The following EIF4G3 variants were observed in gnomAD, a reference collection of about 807,000 sequenced individuals.
EIF4G3 encodes eukaryotic translation initiation factor 4 gamma 3.
A neutral mutation model predicts 186.4 loss-of-function variants in EIF4G3; 34 were observed. The ratio of observed to expected loss-of-function variants is 0.18; its 90% CI spans 0.14 to 0.24. The LOEUF (loss-of-function observed/expected upper bound fraction) is 0.24, where lower values mean the gene tolerates loss of function less well. Ranked by LOEUF, EIF4G3 falls within the 10% of genes least tolerant of loss-of-function variation. EIF4G3 has a pLI of 1.00. For synonymous variants in EIF4G3, 673 were observed against 679.5 expected, an observed-to-expected ratio of 0.99 and a Z score of 0.15; for missense variants, 1,536 against 1,948.5, an observed-to-expected ratio of 0.79 and a Z score of 3.99.
At chr1:20,999,757 T>G (rs188539304) in intron 6 of EIF4G3, 1 of 453,360 alleles carries the variant, frequency 2.2e-6, no homozygotes, top group African/African-American at 2.0e-5. Context: ...ATGACAATAG[T>G]CTTAATCCTA....
intron 20 of EIF4G3, among the ~76,000 whole-genome samples, chr1:20,871,415 G>A (rs1399985924): frequency 6.7e-6 from 1 of 149,144 alleles, no homozygotes; most frequent in African/African-American, 2.6e-5. Context: ...CAATAACCAA[G>A]AAGGCCTCCA....
intron 12 of EIF4G3, among the ~76,000 whole-genome samples, chr1:20,967,793 T>C (rs1017461516): frequency 1.6e-4 from 24 of 152,248 alleles, no homozygotes; most frequent in African/African-American, 4.6e-4. Flanking sequence ...ATGAAGTCAA[T>C]AGTCTATCAT....
chr1:20,865,661 A>G (rs1388956512), intron 20 of EIF4G3, among the ~76,000 whole-genome samples: 2 of 152,184 alleles, frequency 1.3e-5, no homozygotes, highest in Non-Finnish European at 2.9e-5. Context: ...ATGACATAAG[A>G]CAAGGGAGAA....
At chr1:21,063,996 G>A (rs2095093395) in intron 3 of EIF4G3, among the ~76,000 whole-genome samples, 2 of 151,718 alleles carry the variant, frequency 1.3e-5, no homozygotes, top group South Asian at 2.1e-4. Flanking sequence ...CCAAAGTGCT[G>A]GGATTACAGG....
At chr1:20,863,378 T>TAAAAAAAAA (rs3051243) in intron 22 of EIF4G3, among the ~76,000 whole-genome samples, 2,136 of 102,288 alleles carry the variant, frequency 0.021, 30 homozygotes, top group Non-Finnish European at 0.031. Flanking sequence ...CTACAAAAAG[T>TAAAAAAAAA]AAAAAAAAAA....
chr1:20,920,064 A>C (rs1025901458), intron 14 of EIF4G3, among the ~76,000 whole-genome samples: 3 of 151,728 alleles, frequency 2.0e-5, no homozygotes, highest in African/African-American at 7.3e-5. Context: ...ACACCACCAC[A>C]CCCAGCTAAT....
intron 2 of EIF4G3, among the ~76,000 whole-genome samples, chr1:21,097,950 A>AC (rs1557947576): frequency 6.6e-6 from 1 of 152,136 alleles, no homozygotes; most frequent in African/African-American, 2.4e-5. Flanking sequence ...TAAAAAAAAA[A>AC]ATTGATATGA....
chr1:20,916,132 T>C (rs937052575), intron 14 of EIF4G3, among the ~76,000 whole-genome samples: 2 of 151,874 alleles, frequency 1.3e-5, no homozygotes, highest in Non-Finnish European at 2.9e-5. Flanking sequence ...TGACAAAAGA[T>C]ACAAAAAACC....
chr1:21,153,123 C>T (rs943778770), intron 2 of EIF4G3, among the ~76,000 whole-genome samples: 3 of 152,194 alleles, frequency 2.0e-5, no homozygotes, highest in Non-Finnish European at 4.4e-5. Flanking sequence ...ATTTTTACTT[C>T]TTCCCACAGT....
chr1:21,002,087 G>A (rs1195374241), intron 5 of EIF4G3, among the ~76,000 whole-genome samples: 1 of 152,212 alleles, frequency 6.6e-6, no homozygotes, highest in Non-Finnish European at 1.5e-5. Context: ...ATACTTTTGT[G>A]AAACAAAGGA....
intron 2 of EIF4G3, among the ~76,000 whole-genome samples, chr1:21,174,899 G>A (rs1484369251): frequency 6.6e-6 from 1 of 152,162 alleles, no homozygotes; most frequent in Non-Finnish European, 1.5e-5. Context: ...AAAGAACAGA[G>A]AAAATGACAC....
At chr1:20,944,324 C>T (rs74931291) in intron 13 of EIF4G3, among the ~76,000 whole-genome samples, 2 of 151,754 alleles carry the variant, frequency 1.3e-5, no homozygotes, top group South Asian at 2.1e-4. Flanking sequence ...CGATAAGCCT[C>T]GGCAACATAG....
chr1:20,813,315 AC>A, intron 34 of EIF4G3, 76 bp from the exon 35 acceptor site: 6 of 1,068,918 alleles, frequency 5.6e-6, no homozygotes, highest in Non-Finnish European at 8.4e-6. Context: ...TGTAATCCCA[AC>A]ACTTTGGGAG....
At position 21,052,807 on chromosome 1, in the gene EIF4G3, T is replaced by C. The variant is rs1337534704; in HGVS notation, c.-195-1813A>G. On this transcript the variant is annotated intron_variant, in intron 3 of 36. Coordinates refer to ENST00000602326, the MANE Select transcript of EIF4G3 (RefSeq NM_001391906.1). Reference sequence around the variant, plus strand: ...TGTGTTGGCCGGGCTGGTCTCCAGCTCCTAACCGCGAGTGATCCGCCAGCC... The same window carrying C: ...TGTGTTGGCCGGGCTGGTCTCCAGCCCCTAACCGCGAGTGATCCGCCAGCC... 2.6e-5 allele frequency among the ~76,000 whole-genome samples: 4 copies of C among 152,270 alleles called. No individual in the cohort carries two copies. The South Asian group carries it at 6.2e-4, about 24-fold the overall frequency.
intron 3 of EIF4G3, among the ~76,000 whole-genome samples, chr1:21,084,979 AAAGCTT>A (rs80241932): frequency 0.37 from 55,500 of 151,162 alleles, 10,736 homozygotes; most frequent in Non-Finnish European, 0.43. Context: ...ACACACAGTA[AAAGCTT>A]AAGCTTAAGT....
chr1:21,134,301 AT>A (rs1157189054), intron 2 of EIF4G3, among the ~76,000 whole-genome samples: 1 of 152,212 alleles, frequency 6.6e-6, no homozygotes, highest in African/African-American at 2.4e-5. Context: ...AGATTTAATA[AT>A]TCCAATTTCT....
At chr1:21,096,087 A>C (rs1269574451) in intron 2 of EIF4G3, among the ~76,000 whole-genome samples, 1 of 152,228 alleles carries the variant, frequency 6.6e-6, no homozygotes, top group Non-Finnish European at 1.5e-5. Context: ...CAACAAAGTA[A>C]GCCTCTCTCC....
intron 20 of EIF4G3, among the ~76,000 whole-genome samples, chr1:20,867,374 G>C (rs2077800384): frequency 1.3e-5 from 2 of 152,158 alleles, no homozygotes; most frequent in African/African-American, 4.8e-5. Flanking sequence ...TACACCTGCA[G>C]AATGAGATAT....
intron 2 of EIF4G3, among the ~76,000 whole-genome samples, chr1:21,099,962 A>C (rs1324237648): frequency 6.6e-6 from 1 of 152,204 alleles, no homozygotes; most frequent in African/African-American, 2.4e-5. Flanking sequence ...AAAAGTGGAG[A>C]TAAATGTCCA....
Sources: gnomAD v4.1 joint callset for allele counts (sites outside exome capture counted in the v4.1 genomes callset) on GRCh38, gnomAD v4.1.1 for gene constraint, MANE v1.5 for transcripts, NCBI Gene and HGNC (gene_info 2026-07-23, HGNC 2026-07-21) for gene names.